SLC35F1: variants seen among roughly 807,000 people sequenced by gnomAD.
SLC35F1 encodes solute carrier family 35 member F1.
SLC35F1 carries 14 observed loss-of-function variants against 48.7 expected under a neutral mutation model. The observed-to-expected ratio is 0.29, with a 90% confidence interval of 0.19 to 0.45. SLC35F1 has a LOEUF of 0.45. Among genes scored for constraint, SLC35F1 ranks in the 20% least tolerant of loss-of-function variants. The pLI, the probability that SLC35F1 is intolerant of heterozygous loss-of-function variation, is 1.00. For synonymous variants in SLC35F1, 190 were observed against 202.2 expected, an observed-to-expected ratio of 0.94 and a Z score of 0.51; for missense variants, 404 against 500.0, an observed-to-expected ratio of 0.81 and a Z score of 1.83.
intron 1 of SLC35F1, among the ~76,000 whole-genome samples, chr6:118,113,047 T>C (rs1773431193): frequency 6.6e-6 from 1 of 152,168 alleles, no homozygotes; most frequent in Non-Finnish European, 1.5e-5. Context: ...TGAATTCTAA[T>C]GTAAAATATG....
chr6:117,935,534 A>T (rs1028976585), intron 1 of SLC35F1, among the ~76,000 whole-genome samples: 2 of 152,116 alleles, frequency 1.3e-5, no homozygotes, highest in African/African-American at 4.8e-5. Context: ...CAGCACTATA[A>T]CTCCTGCCTG....
intron 4 of SLC35F1, among the ~76,000 whole-genome samples, chr6:118,268,060 T>C (rs1775800591): frequency 6.6e-6 from 1 of 152,170 alleles, no homozygotes; most frequent in Non-Finnish European, 1.5e-5. Context: ...TTTCTCTTTA[T>C]GAGACAAGGT....
At chr6:118,101,197 G>A (rs1263617291) in intron 1 of SLC35F1, among the ~76,000 whole-genome samples, 1 of 152,172 alleles carries the variant, frequency 6.6e-6, no homozygotes, top group Non-Finnish European at 1.5e-5. Flanking sequence ...GTCAGAAAAG[G>A]TAACACTGGG....
At chr6:118,058,654 A>G (rs903425457) in intron 1 of SLC35F1, among the ~76,000 whole-genome samples, 1 of 152,196 alleles carries the variant, frequency 6.6e-6, no homozygotes, top group Non-Finnish European at 1.5e-5. Context: ...ATTTGTCTTG[A>G]TAAGTATATT....
At chr6:118,192,755 T>C (rs1774748979) in intron 2 of SLC35F1, among the ~76,000 whole-genome samples, 1 of 152,170 alleles carries the variant, frequency 6.6e-6, no homozygotes, top group Admixed American at 6.5e-5. Flanking sequence ...ATTTTGACAA[T>C]GCTTCCCTTA....
chr6:117,999,566 A>G, intron 1 of SLC35F1: 1 of 483,664 alleles, frequency 2.1e-6, no homozygotes, highest in Middle Eastern at 5.6e-4. Flanking sequence ...AACCTGAGGC[A>G]GGAAAAAAAA....
intron 2 of SLC35F1, among the ~76,000 whole-genome samples, chr6:118,159,093 C>T (rs1027140713): frequency 1.3e-4 from 20 of 151,776 alleles, no homozygotes; most frequent in Admixed American, 5.3e-4. Context: ...TGGTGGCAGG[C>T]GCCTGTAGTC....
At chr6:117,950,704 A>G (rs138168516) in intron 1 of SLC35F1, among the ~76,000 whole-genome samples, 24 of 152,340 alleles carry the variant, frequency 1.6e-4, no homozygotes, top group African/African-American at 5.8e-4. Flanking sequence ...TTAAGATGAT[A>G]GATATAGAGA....
intron 1 of SLC35F1, among the ~76,000 whole-genome samples, chr6:118,092,431 G>T (rs1180629137): frequency 6.6e-6 from 1 of 152,236 alleles, no homozygotes; most frequent in Non-Finnish European, 1.5e-5. Flanking sequence ...CATGGGCAAG[G>T]CCCTCATGGA....
At chr6:118,275,370 G>T in intron 4 of SLC35F1, 89 bp from the exon 5 acceptor site, 2 of 1,367,364 alleles carry the variant, frequency 1.5e-6, no homozygotes, top group Non-Finnish European at 2.0e-6. Context: ...AATAGAATAG[G>T]CAAGGGAAGC....
At chr6:118,101,746 G>C (rs1773260689) in intron 1 of SLC35F1, among the ~76,000 whole-genome samples, 1 of 152,182 alleles carries the variant, frequency 6.6e-6, no homozygotes, top group Non-Finnish European at 1.5e-5. Flanking sequence ...GGGCTCGAAG[G>C]GAAGCATGCT....
intron 1 of SLC35F1, among the ~76,000 whole-genome samples, chr6:117,920,023 T>A (rs1482745413): frequency 6.6e-6 from 1 of 152,216 alleles, no homozygotes; most frequent in Non-Finnish European, 1.5e-5. Context: ...GCCGCTTTAA[T>A]GTGCTAATGA....
chr6:118,003,759 A>G (rs931287040), intron 1 of SLC35F1, among the ~76,000 whole-genome samples: 1 of 152,172 alleles, frequency 6.6e-6, no homozygotes, highest in East Asian at 1.9e-4. Context: ...TTTTTTTTAA[A>G]AGAGAGCACT....
chr6:118,143,615 C>T (rs1230497503), intron 1 of SLC35F1, among the ~76,000 whole-genome samples: 1 of 152,144 alleles, frequency 6.6e-6, no homozygotes, highest in Non-Finnish European at 1.5e-5. Flanking sequence ...TGCTGAGATG[C>T]ATGTTAACAA....
chr6:118,039,752 C>T (rs1772184177), intron 1 of SLC35F1, among the ~76,000 whole-genome samples: 1 of 138,640 alleles, frequency 7.2e-6, no homozygotes, highest in African/African-American at 2.6e-5. Flanking sequence ...ATTGTAGTAG[C>T]TGCTTCAATA....
intron 2 of SLC35F1, among the ~76,000 whole-genome samples, chr6:118,203,161 C>T (rs1363334283): frequency 1.3e-5 from 2 of 152,234 alleles, no homozygotes; most frequent in African/African-American, 2.4e-5. Flanking sequence ...CTCATATTCA[C>T]TCCTAAGCTA....
intron 1 of SLC35F1, among the ~76,000 whole-genome samples, chr6:118,110,703 T>A (rs1038552686): frequency 6.6e-6 from 1 of 152,204 alleles, no homozygotes; most frequent in African/African-American, 2.4e-5. Context: ...TCCCTAGACA[T>A]TCCTTAGATA....
chr6:118,138,720 T>A (rs189249527), intron 1 of SLC35F1, among the ~76,000 whole-genome samples: 7 of 142,384 alleles, frequency 4.9e-5, no homozygotes, highest in South Asian at 2.3e-4. Flanking sequence ...CTTTTTTTTT[T>A]AAAGATGCAG....
intron 1 of SLC35F1, among the ~76,000 whole-genome samples, chr6:118,143,931 T>C (rs1360571331): frequency 1.3e-5 from 2 of 152,164 alleles, no homozygotes; most frequent in Non-Finnish European, 2.9e-5. Flanking sequence ...CATTTGACTA[T>C]ACCATGATGG....
Sources: allele counts gnomAD v4.1 joint callset (sites outside exome capture counted in the v4.1 genomes callset), GRCh38; gene constraint gnomAD v4.1.1; transcripts MANE v1.5; gene names NCBI Gene and HGNC (gene_info 2026-07-23, HGNC 2026-07-21).